EXT1: variants seen among roughly 807,000 people sequenced by gnomAD.
The protein encoded by EXT1 is exostosin-1.
Under a neutral mutation model 82.5 loss-of-function variants are expected in EXT1, and 20 were observed. That is an observed-to-expected ratio of 0.24 (90% CI 0.17 to 0.35). The LOEUF (loss-of-function observed/expected upper bound fraction) is 0.35, where lower values mean the gene tolerates loss of function less well. Ranked by LOEUF, EXT1 falls within the 10% of genes least tolerant of loss-of-function variation. The pLI, the probability that EXT1 is intolerant of heterozygous loss-of-function variation, is 1.00. For synonymous variants in EXT1, 348 were observed against 350.8 expected (o/e 0.99, Z 0.09); for missense variants, 757 against 936.5 (o/e 0.81, Z 2.50).
At chr8:117,952,035 T>A (rs746674089) in intron 1 of EXT1, among the ~76,000 whole-genome samples, 2 of 152,176 alleles carry the variant, frequency 1.3e-5, no homozygotes, top group Non-Finnish European at 1.5e-5. Context: ...GTTTAGATGG[T>A]TTGGACCTTA....
At chr8:117,872,757 A>C (rs1812896034) in intron 1 of EXT1, among the ~76,000 whole-genome samples, 1 of 152,034 alleles carries the variant, frequency 6.6e-6, no homozygotes, top group Non-Finnish European at 1.5e-5. Flanking sequence ...CTATAATGTA[A>C]ATTTTTCTAC....
chr8:118,062,302 C>T (rs917946762), intron 1 of EXT1, among the ~76,000 whole-genome samples: 3 of 152,298 alleles, frequency 2.0e-5, no homozygotes, highest in South Asian at 2.1e-4. Flanking sequence ...TTTCAATCTC[C>T]GGTTAGCCTA....
chr8:118,092,393 G>T (rs1354179282), intron 1 of EXT1, among the ~76,000 whole-genome samples: 2 of 152,168 alleles, frequency 1.3e-5, no homozygotes, highest in Non-Finnish European at 1.5e-5. Context: ...CCACCTTGGA[G>T]GTGGACTCTG....
rs747404172 is a variant in EXT1 at position 117,799,690 on chromosome 8, C to T, written c.*22G>A. ...TGACCCCCATCCCTTCTTGCTTCCC[C>T]TCCCCCACTCAGCCGGATTCCTCAA... is the stretch of plus-strand genomic sequence containing the variant. On this transcript the variant is annotated 3_prime_UTR_variant, in exon 11 of 11. Transcript: ENST00000378204. 8.7e-6 allele frequency: 14 copies of T among 1,613,750 alleles called. No individual in the cohort carries two copies. The Admixed American group carries it at 1.8e-4, about 21-fold the overall frequency.
At chr8:118,007,309 A>T in intron 1 of EXT1, among the ~76,000 whole-genome samples, 1 of 152,158 alleles carries the variant, frequency 6.6e-6, no homozygotes, top group East Asian at 1.9e-4. Flanking sequence ...AAAAAAAACA[A>T]AAAAAGCATT....
chr8:117,940,616 T>C (rs1390847036), intron 1 of EXT1, among the ~76,000 whole-genome samples: 1 of 152,168 alleles, frequency 6.6e-6, no homozygotes, highest in Non-Finnish European at 1.5e-5. Flanking sequence ...AAGCCAGACA[T>C]TAAGCCAATC....
chr8:117,894,524 C>T (rs1275287993), intron 1 of EXT1, among the ~76,000 whole-genome samples: 5 of 152,210 alleles, frequency 3.3e-5, no homozygotes, highest in South Asian at 4.1e-4. Flanking sequence ...GACAGTCTTA[C>T]TTGTACCTAT....
intron 1 of EXT1, among the ~76,000 whole-genome samples, chr8:117,895,052 C>G (rs1471370514): frequency 1.3e-5 from 2 of 152,150 alleles, no homozygotes; most frequent in Non-Finnish European, 2.9e-5. Context: ...TTGTCACAAC[C>G]TCTGATGGGT....
chr8:117,853,514 A>G (rs763091984), intron 1 of EXT1, among the ~76,000 whole-genome samples: 1 of 152,212 alleles, frequency 6.6e-6, no homozygotes, highest in Non-Finnish European at 1.5e-5. Flanking sequence ...ATCATATCAG[A>G]GCATTCCAGA....
intron 1 of EXT1, among the ~76,000 whole-genome samples, chr8:117,892,581 G>A (rs141111035): frequency 5.9e-5 from 9 of 152,208 alleles, no homozygotes; most frequent in Non-Finnish European, 1.2e-4. Context: ...AGGATTTTGA[G>A]CAGAGGAGAG....
At chr8:117,933,108 A>G (rs575129105) in intron 1 of EXT1, among the ~76,000 whole-genome samples, 90 of 151,900 alleles carry the variant, frequency 5.9e-4, no homozygotes, top group Non-Finnish European at 1.0e-3. Flanking sequence ...TGCTACACTC[A>G]CTTTTCGCCT....
intron 1 of EXT1, among the ~76,000 whole-genome samples, chr8:118,052,999 G>C (rs1816742948): frequency 1.3e-5 from 2 of 152,174 alleles, no homozygotes; most frequent in Admixed American, 6.5e-5. Flanking sequence ...TCATGACCTT[G>C]ATAAGCCAAT....
Position 118,111,654 on chromosome 8 carries a change from C to A in EXT1, c.-608G>T, listed in dbSNP as rs1254682260. On this transcript the variant is annotated 5_prime_UTR_variant, in exon 1 of 11. Transcript: ENST00000378204. ...AAGACTCCGGCGGTGTTTACTCCTG[C>A]GCTCGCGGGGCCGGCCCCCGGGACG... The A allele has an allele frequency of 1.7e-4, 63 of 380,932 alleles. No homozygotes were observed. The East Asian group carries it at 2.3e-3, about 14-fold the overall frequency. The allele number at this position is 380,932 out of a possible 1,614,324, so 23.6% of individuals were successfully genotyped here. A position where few individuals can be genotyped will look rare whatever the true frequency, so the allele number is the denominator to read the frequency against.
chr8:117,904,357 C>T (rs1402264326), intron 1 of EXT1, among the ~76,000 whole-genome samples: 1 of 152,034 alleles, frequency 6.6e-6, no homozygotes, highest in Admixed American at 6.6e-5. Flanking sequence ...TGAAGGTAAA[C>T]GCAGGCAGCT....
At chr8:117,992,438 TAAAAAAAAAAA>T (rs142840509) in intron 1 of EXT1, among the ~76,000 whole-genome samples, 4 of 53,120 alleles carry the variant, frequency 7.5e-5, no homozygotes, top group South Asian at 6.2e-4. Context: ...TTCAACTAGC[TAAAAAAAAAAA>T]AAAAAAAAAA....
intron 1 of EXT1, among the ~76,000 whole-genome samples, chr8:118,084,513 T>A (rs1455280271): frequency 6.6e-6 from 1 of 152,190 alleles, no homozygotes; most frequent in East Asian, 1.9e-4. Flanking sequence ...AAGCTGGGCA[T>A]GTTATATAAT....
intron 1 of EXT1, among the ~76,000 whole-genome samples, chr8:118,081,498 G>A (rs1817329560): frequency 6.6e-6 from 1 of 152,168 alleles, no homozygotes; most frequent in Non-Finnish European, 1.5e-5. Flanking sequence ...CATCCCCAAT[G>A]TCTACAGAAC....
At chr8:118,009,725 G>A (rs1193641483) in intron 1 of EXT1, among the ~76,000 whole-genome samples, 1 of 152,140 alleles carries the variant, frequency 6.6e-6, no homozygotes, top group African/African-American at 2.4e-5. Context: ...GTGCACGTGA[G>A]GGATCTGGGT....
At chr8:117,938,028 A>C (rs1469381301) in intron 1 of EXT1, among the ~76,000 whole-genome samples, 1 of 152,204 alleles carries the variant, frequency 6.6e-6, no homozygotes, top group African/African-American at 2.4e-5. Flanking sequence ...CCTCAATAGG[A>C]AATATCTCAT....
Sources: gnomAD v4.1 joint callset for allele counts (sites outside exome capture counted in the v4.1 genomes callset) on GRCh38, gnomAD v4.1.1 for gene constraint, MANE v1.5 for transcripts, NCBI Gene and HGNC (gene_info 2026-07-23, HGNC 2026-07-21) for gene names.